The following DTNB variants were observed in gnomAD, a reference collection of about 807,000 sequenced individuals.
DTNB encodes dystrobrevin beta.
DTNB carries 63 observed loss-of-function variants against 90.7 expected under a neutral mutation model. The observed-to-expected ratio is 0.69, with a 90% CI of 0.57 to 0.86. The LOEUF (loss-of-function observed/expected upper bound fraction) is 0.86. Ranked by LOEUF, DTNB falls within the 40% of genes least tolerant of loss-of-function variation. The pLI, the probability that DTNB is intolerant of heterozygous loss-of-function variation, is 0.00. For missense variants in DTNB, 744 were observed against 807.1 expected (o/e 0.92, Z 0.95); for synonymous variants, 277 against 286.7 (o/e 0.97, Z 0.34).
intron 9 of DTNB, among the ~76,000 whole-genome samples, chr2:25,500,030 G>GA (rs1337923245): frequency 2.6e-5 from 4 of 151,952 alleles, no homozygotes; most frequent in African/African-American, 7.3e-5. Context: ...CAAGTAACTT[G>GA]GATTACAGGT....
At chr2:25,600,619 T>C (rs546423195) in intron 5 of DTNB, among the ~76,000 whole-genome samples, 16 of 152,306 alleles carry the variant, frequency 1.1e-4, no homozygotes, top group Middle Eastern at 6.8e-3. Flanking sequence ...AATTAACTAA[T>C]GAGTAATTAA....
At chr2:25,564,399 G>T (rs2058702658) in intron 8 of DTNB, among the ~76,000 whole-genome samples, 1 of 151,620 alleles carries the variant, frequency 6.6e-6, no homozygotes, top group Admixed American at 6.6e-5. Context: ...TATTTTTTTT[G>T]AGATGGAGTC....
intron 2 of DTNB, chr2:25,649,734 A>C (rs2148917858): frequency 6.6e-6 from 1 of 152,644 alleles, no homozygotes; most frequent in African/African-American, 2.4e-5. Context: ...AAAAGAAAAA[A>C]ATTGTATAGT....
chr2:25,430,212 T>C (rs186854379), intron 14 of DTNB, among the ~76,000 whole-genome samples: 54 of 152,326 alleles, frequency 3.5e-4, no homozygotes, highest in Non-Finnish European at 5.4e-4. Context: ...ATACTGTTTA[T>C]TGACATTGCA....
At chr2:25,609,699 CACACACACAA>C (rs1166106192) in intron 4 of DTNB, among the ~76,000 whole-genome samples, 5 of 104,078 alleles carry the variant, frequency 4.8e-5, no homozygotes, top group Admixed American at 1.0e-4. Flanking sequence ...CACACACACA[CACACACACAA>C]AATTAAAAAT....
At chr2:25,473,495 TG>T (rs2063189305) in intron 10 of DTNB, among the ~76,000 whole-genome samples, 1 of 152,170 alleles carries the variant, frequency 6.6e-6, no homozygotes, top group Admixed American at 6.5e-5. Context: ...TGTTCATGTG[TG>T]TATCAGAAAG....
rs570760256 is a variant in DTNB at position 25,508,057 on chromosome 2, C to A, written c.1001+23416G>T. 2.6e-5 allele frequency among the ~76,000 whole-genome samples: 4 copies of A among 152,142 alleles called. No individual in the cohort carries two copies. In the East Asian group the frequency reaches 7.7e-4, roughly 29 times the overall value. ...TTATTAAAAATGGCAACCCACTAGACCTCCAATACTGCCCATCCCTCTTTC... is the reference window on the plus strand; with the variant it reads ...TTATTAAAAATGGCAACCCACTAGAACTCCAATACTGCCCATCCCTCTTTC... On this transcript the variant is annotated intron_variant, in intron 9 of 20. Transcript: ENST00000406818.
chr2:25,661,936 C>T (rs2083258032), intron 1 of DTNB, among the ~76,000 whole-genome samples: 1 of 152,082 alleles, frequency 6.6e-6, no homozygotes, highest in Non-Finnish European at 1.5e-5. Flanking sequence ...AGGTGGATTA[C>T]CTAAGGTCAG....
intron 6 of DTNB, among the ~76,000 whole-genome samples, chr2:25,588,469 G>A (rs1185526620): frequency 6.6e-6 from 1 of 151,796 alleles, no homozygotes; most frequent in Admixed American, 6.6e-5. Context: ...AGGTTCAAGC[G>A]ATTCTCTGGC....
chr2:25,458,557 C>T (rs1167731389), intron 10 of DTNB, among the ~76,000 whole-genome samples: 1 of 152,154 alleles, frequency 6.6e-6, no homozygotes, highest in African/African-American at 2.4e-5. Context: ...CAGCCTCAAC[C>T]TCCTGGGCTG....
chr2:25,406,475 C>A (rs1345191777), intron 16 of DTNB, among the ~76,000 whole-genome samples: 1 of 148,356 alleles, frequency 6.7e-6, no homozygotes, highest in Non-Finnish European at 1.5e-5. Flanking sequence ...GCGGAGGTTG[C>A]GGTGAGCCGA....
chr2:25,575,232 A>T, intron 8 of DTNB, among the ~76,000 whole-genome samples: 1 of 151,218 alleles, frequency 6.6e-6, no homozygotes, highest in Non-Finnish European at 1.5e-5. Context: ...TAGACTCTAC[A>T]CACACACACA....
intron 1 of DTNB, among the ~76,000 whole-genome samples, chr2:25,654,012 T>G (rs1225036573): frequency 1.3e-5 from 2 of 152,192 alleles, no homozygotes; most frequent in Non-Finnish European, 2.9e-5. Flanking sequence ...CTTCCACATG[T>G]ATCATCCTCC....
chr2:25,575,763 C>G (rs2060560938), intron 8 of DTNB, among the ~76,000 whole-genome samples: 2 of 152,114 alleles, frequency 1.3e-5, no homozygotes, highest in African/African-American at 4.8e-5. Flanking sequence ...TACTTCTGAC[C>G]TTACATGTTT....
At chr2:25,498,594 G>A (rs1336806007) in intron 9 of DTNB, among the ~76,000 whole-genome samples, 2 of 152,126 alleles carry the variant, frequency 1.3e-5, no homozygotes, top group East Asian at 3.9e-4. Context: ...TGGCTCACTG[G>A]GAGCACTCTG....
intron 10 of DTNB, among the ~76,000 whole-genome samples, chr2:25,461,624 T>C (rs1220262172): frequency 6.6e-6 from 1 of 152,106 alleles, no homozygotes; most frequent in African/African-American, 2.4e-5. Context: ...ACCCAATAGT[T>C]CTAACAGCAT....
intron 16 of DTNB, among the ~76,000 whole-genome samples, chr2:25,411,306 C>G (rs1038450900): frequency 4.6e-5 from 7 of 151,334 alleles, no homozygotes; most frequent in African/African-American, 1.7e-4. Context: ...TTGCAGTGAG[C>G]TGAGATCATG....
intron 5 of DTNB, among the ~76,000 whole-genome samples, chr2:25,606,202 A>G (rs998569504): frequency 2.6e-5 from 4 of 151,222 alleles, no homozygotes; most frequent in African/African-American, 4.9e-5. Flanking sequence ...AAAAAAAAAA[A>G]GGGCATGGAG....
chr2:25,633,276 G>A (rs1428934859), intron 3 of DTNB, among the ~76,000 whole-genome samples: 1 of 143,800 alleles, frequency 7.0e-6, no homozygotes, highest in Admixed American at 6.9e-5. Flanking sequence ...TGATTCTCCT[G>A]CCTCAGCCTG....
Sources: gnomAD v4.1 joint callset for allele counts (sites outside exome capture counted in the v4.1 genomes callset) on GRCh38, gnomAD v4.1.1 for gene constraint, MANE v1.5 for transcripts, NCBI Gene and HGNC (gene_info 2026-07-23, HGNC 2026-07-21) for gene names.